Variants in TAFA5 observed in about 807,000 individuals in gnomAD.
TAFA5 encodes the protein TAFA chemokine like family member 5.
In TAFA5, 6 loss-of-function variants were observed where a neutral mutation model predicts 15.3. The ratio of observed to expected loss-of-function variants is 0.39; its 90% CI spans 0.21 to 0.77. The LOEUF (loss-of-function observed/expected upper bound fraction) is 0.77, where lower values mean the gene tolerates loss of function less well. Among genes scored for constraint, TAFA5 ranks in the 30% least tolerant of loss-of-function variants. The pLI is 0.41. For missense variants in TAFA5, 161 were observed against 193.1 expected, an observed-to-expected ratio of 0.83 and a Z score of 0.98; for synonymous variants, 103 against 80.7, an observed-to-expected ratio of 1.28 and a Z score of -1.48.
At chr22:48,693,214 G>A (rs1484281213) in intron 2 of TAFA5, 41 of 1,392,338 alleles carry the variant, frequency 2.9e-5, no homozygotes, top group Non-Finnish European at 3.8e-5. Flanking sequence ...GGCCTCACTC[G>A]TCCTCAGAGC....
intron 3 of TAFA5, among the ~76,000 whole-genome samples, chr22:48,719,370 A>G (rs1366571108): frequency 2.0e-5 from 3 of 152,140 alleles, no homozygotes. Flanking sequence ...GTCCGTCTGG[A>G]GTGTGATCAG....
At chr22:48,737,254 T>C (rs890527905) in intron 3 of TAFA5, among the ~76,000 whole-genome samples, 2 of 152,150 alleles carry the variant, frequency 1.3e-5, no homozygotes, top group Admixed American at 6.5e-5. Flanking sequence ...ACAAAGACCA[T>C]GAGACAGGGA....
rs1930493530 is a variant in TAFA5, at chr22:48,751,486, T to C, written c.*1639T>C. The C allele has an allele frequency of 6.6e-6, 1 of 152,198 alleles. No individual in the cohort carries two copies. Among genetic ancestry groups the C allele is most frequent in the African/African-American group, 2.4e-5 (1 of 41,354 alleles). The allele number at this position is 152,198 out of a possible 1,614,324, so 9.4% of individuals were successfully genotyped here. ...GAGTATTATGCTAGTTCTATCCTAC[T>C]AAAAAAAACGTAAAAAAATAACTAT... On this transcript the variant is annotated 3_prime_UTR_variant, in exon 4 of 4. Transcript: ENST00000402357.
In TAFA5 at chr22:48,611,501, C is replaced by T. The variant is rs1004297342; in HGVS notation, c.113-35096C>T. Among the ~76,000 whole-genome samples, 12 of 152,260 alleles carry T rather than the reference C, an allele frequency of 7.9e-5. No homozygotes were observed. In the East Asian group the frequency reaches 1.5e-3, roughly 20 times the overall value. On this transcript the variant is annotated intron_variant, in intron 1 of 3. Coordinates refer to ENST00000402357, the MANE Select transcript of TAFA5 (RefSeq NM_001082967.3). ...GGAACTTGATCTTTGGGATCTGTGG[C>T]GGGAGCTATGCCTGGCGAGGGCTTT...
At chr22:48,623,440 T>TGCGCGGTGACCTGTGGGACGGGATGTGTC (rs1925922229) in intron 1 of TAFA5, among the ~76,000 whole-genome samples, 7 of 108,880 alleles carry the variant, frequency 6.4e-5, no homozygotes, top group Admixed American at 1.8e-4. Flanking sequence ...CGGGATGTGC[T>TGCGCGGTGACCTGTGGGACGGGATGTGTC]GCGTGGCCCT....
At chr22:48,556,759 G>A (rs549476619) in intron 1 of TAFA5, among the ~76,000 whole-genome samples, 1 of 152,272 alleles carries the variant, frequency 6.6e-6, no homozygotes, top group South Asian at 2.1e-4. Context: ...TGTTCTCAGG[G>A]ACACCCCCCT....
At chr22:48,722,779 G>T (rs1388381243) in intron 3 of TAFA5, among the ~76,000 whole-genome samples, 5 of 151,944 alleles carry the variant, frequency 3.3e-5, no homozygotes, top group Non-Finnish European at 7.4e-5. Flanking sequence ...ATGGCCGGGG[G>T]TACATCCTAA....
chr22:48,607,900 G>A (rs1426276122), intron 1 of TAFA5, among the ~76,000 whole-genome samples: 1 of 152,178 alleles, frequency 6.6e-6, no homozygotes, highest in Non-Finnish European at 1.5e-5. Flanking sequence ...TGAGGAGTGA[G>A]GGAGCTATGA....
intron 1 of TAFA5, among the ~76,000 whole-genome samples, chr22:48,596,451 A>T (rs1420574987): frequency 5.9e-5 from 9 of 152,132 alleles, no homozygotes; most frequent in African/African-American, 2.2e-4. Context: ...CAAGGTTGAG[A>T]GTGTGGTTTT....
At chr22:48,534,987 C>T (rs1053829710) in intron 1 of TAFA5, among the ~76,000 whole-genome samples, 9 of 152,178 alleles carry the variant, frequency 5.9e-5, no homozygotes, top group Non-Finnish European at 1.3e-4. Flanking sequence ...ACTGGCCACT[C>T]GTGGGTCCCC....
chr22:48,600,091 C>T (rs1049051266), intron 1 of TAFA5, among the ~76,000 whole-genome samples: 1 of 152,110 alleles, frequency 6.6e-6, no homozygotes, highest in Non-Finnish European at 1.5e-5. Context: ...AATAAAACAG[C>T]GGTGGATAGA....
At chr22:48,701,244 G>A (rs1230890287) in intron 2 of TAFA5, among the ~76,000 whole-genome samples, 1 of 152,088 alleles carries the variant, frequency 6.6e-6, no homozygotes, top group Non-Finnish European at 1.5e-5. Context: ...ACCTAGAGGT[G>A]GCTTCCACCC....
chr22:48,620,474 A>G (rs1925760778), intron 1 of TAFA5, among the ~76,000 whole-genome samples: 2 of 152,050 alleles, frequency 1.3e-5, no homozygotes, highest in South Asian at 4.1e-4. Flanking sequence ...TAGTTCTGCT[A>G]CGGCTGCCTC....
intron 3 of TAFA5, among the ~76,000 whole-genome samples, chr22:48,722,454 G>A (rs899519579): frequency 6.6e-6 from 1 of 152,156 alleles, no homozygotes; most frequent in South Asian, 2.1e-4. Context: ...ACTAACAACA[G>A]GAACAGAAAA....
At position 48,560,396 on chromosome 22, in the gene TAFA5, C is replaced by T. The variant is rs1003109441; in HGVS notation, c.112+70692C>T. 6.6e-6 allele frequency among the ~76,000 whole-genome samples: 1 copy of T among 152,062 alleles called. No homozygotes were observed. The highest frequency in any genetic ancestry group is 1.5e-5 in the Non-Finnish European group (1 of 68,004). ...CGGCCTCCAATCCCTGGAGACCACACGTGGGATGCCAGGAGCACCAAGGGT... is the reference window on the plus strand; with the variant it reads ...CGGCCTCCAATCCCTGGAGACCACATGTGGGATGCCAGGAGCACCAAGGGT... On this transcript the variant is annotated intron_variant, in intron 1 of 3. Transcript: ENST00000402357. The surrounding 1 kb of genome is among the most constrained non-coding windows in gnomAD (Gnocchi z 4.2).
chr22:48,601,912 G>A (rs988837673), intron 1 of TAFA5, among the ~76,000 whole-genome samples: 3 of 152,182 alleles, frequency 2.0e-5, no homozygotes, highest in Non-Finnish European at 4.4e-5. Context: ...ACACCATTCT[G>A]TCCAGTGCAG....
At chr22:48,735,217 T>C (rs1015512) in intron 3 of TAFA5, among the ~76,000 whole-genome samples, 42,174 of 152,090 alleles carry the variant, frequency 0.28, 6,676 homozygotes, top group African/African-American at 0.42. Context: ...ACCAAGGAGC[T>C]GGGAGCTGGA....
At chr22:48,542,074 CGTGT>C (rs1046101440) in intron 1 of TAFA5, among the ~76,000 whole-genome samples, 1 of 140,120 alleles carries the variant, frequency 7.1e-6, no homozygotes, top group Admixed American at 7.1e-5. Context: ...TGTGTGTGTG[CGTGT>C]GTGTGTGTGC....
At chr22:48,525,457 C>T (rs1243193117) in intron 1 of TAFA5, among the ~76,000 whole-genome samples, 4 of 152,198 alleles carry the variant, frequency 2.6e-5, no homozygotes, top group South Asian at 4.1e-4. Flanking sequence ...CCACCTGCTC[C>T]GCCTTCTGGA....
Sources: allele counts gnomAD v4.1 joint callset (sites outside exome capture counted in the v4.1 genomes callset), GRCh38; gene constraint gnomAD v4.1.1; non-coding constraint Gnocchi (gnomAD v3.1); transcripts MANE v1.5; gene names NCBI Gene and HGNC (gene_info 2026-07-23, HGNC 2026-07-21).